The following CASK variants were observed in gnomAD, a reference collection of about 807,000 sequenced individuals.
CASK encodes peripheral plasma membrane protein CASK.
CASK carries 4 observed loss-of-function variants against 82.9 expected under a neutral mutation model. That is an observed-to-expected ratio of 0.05 (90% confidence interval 0.02 to 0.11). The LOEUF (loss-of-function observed/expected upper bound fraction) is 0.11, where lower values mean the gene tolerates loss of function less well. CASK is among the 10% of genes least tolerant of loss of function. The pLI, the probability that CASK is intolerant of heterozygous loss-of-function variation, is 1.00. For missense variants in CASK, 358 were observed against 720.9 expected (o/e 0.50, Z 5.76); for synonymous variants, 259 against 253.5 (o/e 1.02, Z -0.20).
chrX:41,712,672 C>G (rs1230140412), intron 5 of CASK, among the ~76,000 whole-genome samples: 2 of 112,624 alleles, frequency 1.8e-5, no homozygotes, highest in African/African-American at 6.5e-5. Context: ...GAATGAAAGG[C>G]CACCAGCCAC....
intron 15 of CASK, among the ~76,000 whole-genome samples, chrX:41,576,609 A>C (rs1328572396): frequency 1.8e-5 from 2 of 112,144 alleles, no homozygotes; most frequent in Non-Finnish European, 3.8e-5. Flanking sequence ...AATAAGAGTG[A>C]TTTGCACTTA....
chrX:41,727,684 T>A, intron 5 of CASK: 1 of 1,201,466 alleles, frequency 8.3e-7, no homozygotes, highest in Non-Finnish European at 1.1e-6. Flanking sequence ...AGTACTAACA[T>A]CATACTACTC....
intron 2 of CASK, among the ~76,000 whole-genome samples, chrX:41,804,672 T>C (rs1219429372): frequency 9.0e-6 from 1 of 111,658 alleles, no homozygotes; most frequent in Non-Finnish European, 1.9e-5. Flanking sequence ...CCTGGCTCTC[T>C]TCTTTTTTGG....
At chrX:41,648,721 T>G (rs1345404379) in intron 8 of CASK, among the ~76,000 whole-genome samples, 1 of 112,000 alleles carries the variant, frequency 8.9e-6, no homozygotes, top group African/African-American at 3.2e-5. Flanking sequence ...TCTCCTTTTT[T>G]TTGTTGTGTC....
chrX:41,582,016 A>T (rs1602298205), intron 14 of CASK, among the ~76,000 whole-genome samples: 1 of 110,953 alleles, frequency 9.0e-6, no homozygotes, highest in East Asian at 2.8e-4. Flanking sequence ...GTTTAATTAC[A>T]CCAGCTTACA....
chrX:41,820,574 A>T (rs916139888), intron 2 of CASK, among the ~76,000 whole-genome samples: 1 of 111,192 alleles, frequency 9.0e-6, no homozygotes, highest in African/African-American at 3.3e-5. Flanking sequence ...TAAGATTTCC[A>T]TTCTCCCCAA....
At chrX:41,612,868 C>G (rs1328127822) in intron 11 of CASK, among the ~76,000 whole-genome samples, 1 of 88,457 alleles carries the variant, frequency 1.1e-5, no homozygotes, top group Non-Finnish European at 2.2e-5. Flanking sequence ...GCCGCCCCGT[C>G]CGGGAGGGAG....
chrX:41,781,403 T>C (rs2069472494), intron 3 of CASK, among the ~76,000 whole-genome samples: 1 of 112,895 alleles, frequency 8.9e-6, no homozygotes, highest in African/African-American at 3.2e-5. Flanking sequence ...CCAAATATGC[T>C]GTTTTGTCTA....
At chrX:41,526,190 T>C (rs760128316) in intron 25 of CASK, among the ~76,000 whole-genome samples, 2 of 111,363 alleles carry the variant, frequency 1.8e-5, no homozygotes, top group Non-Finnish European at 3.8e-5. Flanking sequence ...ATAGATCAGG[T>C]GAATACAGGG....
chrX:41,625,388 G>A (rs1192779357), intron 10 of CASK, among the ~76,000 whole-genome samples: 5 of 110,218 alleles, frequency 4.5e-5, no homozygotes, highest in African/African-American at 1.3e-4. Context: ...GGTTTTCACC[G>A]TGTTAGCCAG....
chrX:41,793,482 G>C (rs1159059512), intron 2 of CASK, among the ~76,000 whole-genome samples: 1 of 111,565 alleles, frequency 9.0e-6, no homozygotes, highest in Non-Finnish European at 1.9e-5. Flanking sequence ...TTACAGAACC[G>C]GCTTATTTCA....
intron 9 of CASK, among the ~76,000 whole-genome samples, chrX:41,629,482 G>A (rs2066430398): frequency 8.9e-6 from 1 of 111,976 alleles, no homozygotes; most frequent in South Asian, 3.7e-4. Flanking sequence ...TTAGCAACCT[G>A]TTAAGGTCTC....
intron 3 of CASK, among the ~76,000 whole-genome samples, chrX:41,746,849 A>G (rs1056931930): frequency 3.6e-5 from 4 of 111,525 alleles, no homozygotes; most frequent in Admixed American, 9.5e-5. Context: ...TTTTCAAATA[A>G]TTTGTCTAAG....
intron 5 of CASK, among the ~76,000 whole-genome samples, chrX:41,731,939 ATT>A (rs1309557386): frequency 5.9e-5 from 5 of 84,153 alleles, no homozygotes; most frequent in Admixed American, 2.7e-4. Context: ...TAATTTTTGT[ATT>A]TTTTTTTTTT....
At chrX:41,839,889 T>C (rs1403077262) in intron 2 of CASK, among the ~76,000 whole-genome samples, 1 of 111,997 alleles carries the variant, frequency 8.9e-6, no homozygotes, top group African/African-American at 3.2e-5. Context: ...ACAATATTTG[T>C]GTGGATCTAC....
intron 11 of CASK, among the ~76,000 whole-genome samples, chrX:41,614,399 A>T (rs939995969): frequency 2.0e-4 from 22 of 112,692 alleles, no homozygotes; most frequent in Non-Finnish European, 3.4e-4. Flanking sequence ...ATGAAATCAT[A>T]CAGTATGTAA....
intron 3 of CASK, among the ~76,000 whole-genome samples, chrX:41,777,662 T>C (rs1320694562): frequency 2.7e-5 from 3 of 111,164 alleles, no homozygotes; most frequent in Non-Finnish European, 5.7e-5. Flanking sequence ...TCAGGGGCTG[T>C]TGAGGTACTG....
At chrX:41,721,104 G>A (rs190227614) in intron 5 of CASK, among the ~76,000 whole-genome samples, 1 of 111,699 alleles carries the variant, frequency 9.0e-6, no homozygotes, top group Admixed American at 9.5e-5. Flanking sequence ...AACTAGAACT[G>A]TTAGGCCAAG....
intron 3 of CASK, among the ~76,000 whole-genome samples, chrX:41,784,465 A>G (rs1314405504): frequency 8.9e-6 from 1 of 112,273 alleles, no homozygotes; most frequent in African/African-American, 3.2e-5. Flanking sequence ...CCTGACAGAA[A>G]ATGAGTCTGA....
Sources: allele counts gnomAD v4.1 joint callset (sites outside exome capture counted in the v4.1 genomes callset), GRCh38; gene constraint gnomAD v4.1.1; transcripts MANE v1.5; gene names NCBI Gene and HGNC (gene_info 2026-07-23, HGNC 2026-07-21).